The following TMEM101 variants were observed in gnomAD, a reference collection of about 807,000 sequenced individuals.
The protein encoded by TMEM101 is putative NF-kappa-B-activating protein 130.
Under a neutral mutation model 26.0 loss-of-function variants are expected in TMEM101, and 14 were observed. The observed-to-expected ratio is 0.54, with a 90% CI of 0.36 to 0.84. The LOEUF (loss-of-function observed/expected upper bound fraction) is 0.84. TMEM101 is among the 40% of genes least tolerant of loss of function. TMEM101 has a pLI of 0.01. For synonymous variants in TMEM101, 152 were observed against 145.1 expected (o/e 1.05, Z -0.34); for missense variants, 292 against 345.1 (o/e 0.85, Z 1.22).
chr17:44,014,528 G>T lies in TMEM101; in HGVS notation c.147C>A (p.Asp49Glu), dbSNP rs758765674. Residue 49 changes from aspartate to glutamate, a missense_variant, in exon 2 of 4, where the codon GAC becomes GAA. Around this residue, in one of 2 missense-constraint regions of TMEM101, gnomAD observed 143 missense variants for 133.2 expected, o/e 1.07. Transcript: ENST00000206380. ...CGAAATACAGGTAAGGCACTGGGAT[G>T]TCGGGCTTCCTGCGAGCCGGGAGTG... ...AERAEARRKP[D>E]IPVPYLYFDM... 1 of 1,569,252 alleles carries T rather than the reference G, an allele frequency of 6.4e-7. No individual in the cohort carries two copies. Among genetic ancestry groups the T allele is most frequent in the Admixed American group, 1.9e-5 (1 of 52,360 alleles).
Position 44,011,828 on chromosome 17 carries a change from G to A in TMEM101, c.*100C>T. 5.4e-6 allele frequency: 7 copies of A among 1,284,868 alleles called. No individual in the cohort carries two copies. Among genetic ancestry groups the A allele is most frequent in the Non-Finnish European group, 6.4e-6 (6 of 935,572 alleles). 79.6% of individuals were successfully genotyped at this position (1,284,868 alleles called of 1,614,324 possible). On this transcript the variant is annotated 3_prime_UTR_variant, in exon 4 of 4. Coordinates refer to ENST00000206380, the MANE Select transcript of TMEM101 (RefSeq NM_032376.4). ...AAAAAAGCAAAAGATCAAACAAACA[G>A]ACCAAAAAGCATAAATAAACAGCAG...
intron 2 of TMEM101, among the ~76,000 whole-genome samples, chr17:44,013,654 G>C: frequency 6.6e-6 from 1 of 152,132 alleles, no homozygotes; most frequent in Non-Finnish European, 1.5e-5. Context: ...GAGAGACTCT[G>C]TTTCAAAAAA....
At chr17:44,017,486 C>A (rs923204056), upstream of TMEM101, among the ~76,000 whole-genome samples, 2 of 147,092 alleles carry the variant, frequency 1.4e-5, no homozygotes, top group Non-Finnish European at 3.0e-5. Flanking sequence ...CCCAGCTACT[C>A]GGGAGGCTGA....
intron 2 of TMEM101, among the ~76,000 whole-genome samples, chr17:44,013,418 G>T (rs1159472340): frequency 6.6e-6 from 1 of 152,200 alleles, no homozygotes; most frequent in Non-Finnish European, 1.5e-5. Context: ...CCAGCACTTT[G>T]GGAGGCCGAG....
chr17:44,019,764 G>A (rs2049269639), upstream of TMEM101, among the ~76,000 whole-genome samples: 1 of 152,126 alleles, frequency 6.6e-6, no homozygotes, highest in South Asian at 2.1e-4. Context: ...ACACAGGGAA[G>A]CCACAATTGA....
In TMEM101 at chr17:44,012,019, G is replaced by A. The variant is rs147985387; in HGVS notation, c.683C>T (p.Thr228Met). 2,011 of 1,614,196 alleles carry A rather than the reference G, an allele frequency of 1.2e-3. 2 individuals carry two copies. Among genetic ancestry groups the A allele is most frequent in the Non-Finnish European group, 1.5e-3 (1,738 of 1,180,046 alleles). Reference protein sequence around the residue: ...IDGNVAYWHNTRRVEFWNQMK... With the variant: ...IDGNVAYWHNMRRVEFWNQMK... ...CTGGTTCCAGAACTCAACACGCCGC[G>A]TGTTGTGCCAGTAAGCAACATTGCC... Residue 228 changes from threonine to methionine, a missense_variant, in exon 4 of 4, where the codon ACG becomes ATG. Physicochemically the swap from Thr to Met is moderately conservative, Grantham distance 81. Coordinates refer to ENST00000206380, the MANE Select transcript of TMEM101 (RefSeq NM_032376.4).
At chr17:44,019,269 A>AAGCAAC, upstream of TMEM101, 1 of 405,786 alleles carries the variant, frequency 2.5e-6, no homozygotes, top group Non-Finnish European at 4.9e-6. Flanking sequence ...CCAGACTGGG[A>AAGCAAC]AGCAACAGCA....
At chr17:44,012,352 T>A in intron 3 of TMEM101, 116 bp from the exon 4 acceptor site, 1 of 988,112 alleles carries the variant, frequency 1.0e-6, no homozygotes, top group Non-Finnish European at 1.5e-6. Flanking sequence ...CTGACTCCCC[T>A]CTTGGACTGG....
chr17:44,021,457 G>C (rs796719411), intron 1 of TMEM101: 1 of 152,192 alleles, frequency 6.6e-6, no homozygotes, highest in Non-Finnish European at 1.5e-5. Flanking sequence ...AAGCAGAGAC[G>C]CATGAGCACC....
chr17:44,016,106 GATAGAT>G (rs1311722086), upstream of TMEM101, among the ~76,000 whole-genome samples: 1 of 151,320 alleles, frequency 6.6e-6, no homozygotes, highest in Non-Finnish European at 1.5e-5. Flanking sequence ...TAGATAGATA[GATAGAT>G]ATAGATACAC....
At chr17:44,015,406 GTTTTT>G (rs2049220235), upstream of TMEM101, among the ~76,000 whole-genome samples, 1 of 148,994 alleles carries the variant, frequency 6.7e-6, no homozygotes, top group Non-Finnish European at 1.5e-5. Context: ...GTTTTGTTTT[GTTTTT>G]GAGACGGAGT....
At position 44,021,792 on chromosome 17, in the gene TMEM101, G is replaced by A. The variant is rs80033754; in HGVS notation, c.-323-357C>T. ...ATCATGGTTGAAGCAGAGGTGCTCC[G>A]TTTCCAGCAAAGCCCAACAGCAAGC... is the stretch of plus-strand genomic sequence containing the variant. On this transcript the variant is annotated intron_variant, in intron 1 of 4. Coordinates refer to the TMEM101 transcript ENST00000585950. Among the ~76,000 whole-genome samples, 455 of 152,336 alleles carry A rather than the reference G, an allele frequency of 3.0e-3. 8 individuals are homozygous for A. In the East Asian group the frequency reaches 0.064, roughly 21 times the overall value.
chr17:44,011,667 C>A lies in TMEM101; in HGVS notation c.*261G>T. The A allele has an allele frequency of 2.0e-6, 1 of 489,444 alleles. No individual in the cohort carries two copies. Among genetic ancestry groups the A allele is most frequent in the Non-Finnish European group, 3.6e-6 (1 of 274,470 alleles). The allele number at this position is 489,444 out of a possible 1,614,324, so 30.3% of individuals were successfully genotyped here. A position where few individuals can be genotyped will look rare whatever the true frequency, so the allele number is the denominator to read the frequency against. On this transcript the variant is annotated 3_prime_UTR_variant, in exon 4 of 4. Coordinates refer to ENST00000206380, the MANE Select transcript of TMEM101 (RefSeq NM_032376.4). The stretch of plus-strand genomic sequence containing the variant: ...ACTCCCTTCTCAGGGACAGGAGACT[C>A]AGTGGGCAGCTGGCCTCAGCTCTCC...
At chr17:44,014,659 A>C in intron 1 of TMEM101, 122 bp from the exon 2 acceptor site, 4 of 1,497,994 alleles carry the variant, frequency 2.7e-6, no homozygotes, top group Non-Finnish European at 9.1e-7. Flanking sequence ...TCCCATGGGC[A>C]GGACCGCCCT....
upstream of TMEM101, among the ~76,000 whole-genome samples, chr17:44,019,874 T>C (rs975412379): frequency 6.6e-6 from 1 of 152,146 alleles, no homozygotes; most frequent in Non-Finnish European, 1.5e-5. Context: ...ATTGTGAGAA[T>C]TGTCAGGGAT....
Position 44,011,562 on chromosome 17 carries a change from T to G in TMEM101, c.*366A>C. The G allele has an allele frequency of 3.8e-6, 1 of 262,980 alleles. No individual in the cohort carries two copies. The highest frequency in any genetic ancestry group is 7.3e-6 in the Non-Finnish European group (1 of 136,214). 16.3% of individuals were successfully genotyped at this position (262,980 alleles called of 1,614,324 possible). A position where few individuals can be genotyped will look rare whatever the true frequency, so the allele number is the denominator to read the frequency against. On this transcript the variant is annotated 3_prime_UTR_variant, in exon 4 of 4. Transcript: ENST00000206380. The stretch of plus-strand genomic sequence containing the variant: ...CAGGTTCAAAGAGGAATTTTTCACA[T>G]TTGCTCACTTCCAATCTCCATCTTC...
At chr17:44,014,607 G>T in intron 1 of TMEM101, 70 bp from the exon 2 acceptor site, 1 of 1,543,900 alleles carries the variant, frequency 6.5e-7, no homozygotes, top group South Asian at 1.2e-5. Flanking sequence ...GAGACCCCTT[G>T]AGTTCCCACA....
At chr17:44,014,018 T>G (rs1391310745) in intron 2 of TMEM101, among the ~76,000 whole-genome samples, 2 of 152,210 alleles carry the variant, frequency 1.3e-5, no homozygotes, top group African/African-American at 4.8e-5. Flanking sequence ...CAAGGTCCTT[T>G]GTACCCCATG....
Position 44,014,440 on chromosome 17 carries a change from C to G in TMEM101, c.235G>C (p.Ala79Pro). 1 of 1,558,102 alleles carries G rather than the reference C, an allele frequency of 6.4e-7. No homozygotes were observed. Among genetic ancestry groups the G allele is most frequent in the South Asian group, 1.2e-5 (1 of 84,648 alleles). The change falls in exon 2 of 4, where the codon GCG (alanine) becomes CCG (proline). Residue 79 changes from alanine to proline, a missense_variant. This residue lies in a region of TMEM101 where 143 missense variants were observed against 133.2 expected (regional missense o/e 1.07). Coordinates refer to ENST00000206380, the MANE Select transcript of TMEM101 (RefSeq NM_032376.4). ...GCCAATTGGAGTGCGGCCCCCAGCG[C>G]GAACCAGCGCCGCTTCACGCCAAAG... ...MSFGVKRRWF[A>P]LGAALQLAIS...
Sources: gnomAD v4.1 joint callset for allele counts (sites outside exome capture counted in the v4.1 genomes callset) on GRCh38, gnomAD v4.1.1 for gene constraint, gnomAD v4.1.1 regional missense constraint, MANE v1.5 for transcripts, NCBI Gene and HGNC (gene_info 2026-07-23, HGNC 2026-07-21) for gene names.